GNPNAT1: variants seen among roughly 807,000 people sequenced by gnomAD.
GNPNAT1 encodes glucosamine-phosphate N-acetyltransferase 1, also known as glucosamine 6-phosphate N-acetyltransferase.
Under a neutral mutation model 19.8 loss-of-function variants are expected in GNPNAT1, and 11 were observed. That is an observed-to-expected ratio of 0.56 (90% CI 0.35 to 0.92). The LOEUF is 0.92. Ranked by LOEUF, GNPNAT1 falls within the 40% of genes least tolerant of loss-of-function variation. The pLI, the probability that GNPNAT1 is intolerant of heterozygous loss-of-function variation, is 0.01. For missense variants in GNPNAT1, 157 were observed against 211.0 expected (o/e 0.74, Z 1.59); for synonymous variants, 71 against 72.3 (o/e 0.98, Z 0.09).
rs764695387 is a variant in GNPNAT1 at position 52,780,678 on chromosome 14, C to A, written c.407+1G>T. ...GGGTTACCTTGTTTCTGCCTACTTA[C>A]AATTTGCCAAGCTGCTTTCCTCTGC... On this transcript the variant is annotated splice_donor_variant, in intron 5 of 5. Coordinates refer to ENST00000216410, the MANE Select transcript of GNPNAT1 (RefSeq NM_198066.4). LOFTEE classifies it high-confidence loss of function. 9.4e-6 allele frequency: 15 copies of A among 1,595,952 alleles called. No homozygotes were observed. The highest frequency in any genetic ancestry group is 4.5e-5 in the East Asian group (2 of 44,650).
At chr14:52,785,579 C>G (rs1455376043) in intron 1 of GNPNAT1, among the ~76,000 whole-genome samples, 3 of 150,936 alleles carry the variant, frequency 2.0e-5, no homozygotes, top group Non-Finnish European at 3.0e-5. Flanking sequence ...CAAAATTAGT[C>G]GGGCGTGGTG....
chr14:52,787,680 T>C (rs1048673399), intron 1 of GNPNAT1, among the ~76,000 whole-genome samples: 3 of 152,092 alleles, frequency 2.0e-5, no homozygotes, highest in Non-Finnish European at 4.4e-5. Flanking sequence ...ATTTGTAAAA[T>C]GGAGATGAAA....
intron 1 of GNPNAT1, among the ~76,000 whole-genome samples, chr14:52,789,978 CA>C (rs1883121590): frequency 1.3e-5 from 1 of 76,434 alleles, no homozygotes; most frequent in Admixed American, 1.7e-4. Flanking sequence ...TCAGAAAATC[CA>C]GAAGGACAAA....
chr14:52,782,684 G>T (rs963361674), intron 3 of GNPNAT1, among the ~76,000 whole-genome samples: 1 of 151,344 alleles, frequency 6.6e-6, no homozygotes, highest in Non-Finnish European at 1.5e-5. Context: ...ATGGGAAAAA[G>T]AAATTCAGTG....
intron 3 of GNPNAT1, among the ~76,000 whole-genome samples, chr14:52,782,518 A>G (rs146164871): frequency 1.2e-3 from 190 of 152,242 alleles, no homozygotes; most frequent in African/African-American, 4.4e-3. Context: ...GTGCAAAGAT[A>G]CTTCCCCTCA....
At position 52,783,502 on chromosome 14, in the gene GNPNAT1, G is replaced by C. The variant is rs1198489735; in HGVS notation, c.155-17C>G. The C allele has an allele frequency of 6.4e-7, 1 of 1,559,250 alleles. No individual in the cohort carries two copies. Among genetic ancestry groups the C allele is most frequent in the Non-Finnish European group, 8.8e-7 (1 of 1,131,146 alleles). ...TAAAAAAACCTAGTTTTGAAAAACA[G>C]ATTTCAAATTACGAGAATAGCAAAA... On this transcript the variant is annotated splice_polypyrimidine_tract_variant and intron_variant, in intron 2 of 5. Coordinates refer to ENST00000216410, the MANE Select transcript of GNPNAT1 (RefSeq NM_198066.4).
intron 3 of GNPNAT1, among the ~76,000 whole-genome samples, chr14:52,782,485 T>C (rs967191572): frequency 1.3e-5 from 2 of 152,160 alleles, no homozygotes; most frequent in African/African-American, 4.8e-5. Flanking sequence ...CCAAGTAACT[T>C]TTCCAAGTCA....
chr14:52,778,275 A>G lies in GNPNAT1; in HGVS notation c.*36T>C. 1 of 1,510,358 alleles carries G rather than the reference A, an allele frequency of 6.6e-7. No individual in the cohort carries two copies. The highest frequency in any genetic ancestry group is 8.9e-7 in the Non-Finnish European group (1 of 1,118,566). 93.6% of individuals were successfully genotyped at this position (1,510,358 alleles called of 1,614,324 possible). On this transcript the variant is annotated 3_prime_UTR_variant, in exon 6 of 6. Coordinates refer to ENST00000216410, the MANE Select transcript of GNPNAT1 (RefSeq NM_198066.4). Reference sequence around the variant, plus strand: ...AACTCTAGGAAGAGTGTAGCCTTGTAGCATTAGCCCCTTTGACAATTTTCT... The same window carrying G: ...AACTCTAGGAAGAGTGTAGCCTTGTGGCATTAGCCCCTTTGACAATTTTCT...
chr14:52,784,442 GT>G (rs1258604014), intron 2 of GNPNAT1, 54 bp downstream of exon 2: 1 of 1,359,766 alleles, frequency 7.4e-7, no homozygotes, highest in East Asian at 2.6e-5. Flanking sequence ...GCATCATAAT[GT>G]TTAGAGAAAA....
At chr14:52,782,541 G>T in intron 3 of GNPNAT1, among the ~76,000 whole-genome samples, 1 of 152,000 alleles carries the variant, frequency 6.6e-6, no homozygotes, top group East Asian at 1.9e-4. Context: ...TGGATTTTCA[G>T]TACTATTGCT....
intron 5 of GNPNAT1, among the ~76,000 whole-genome samples, chr14:52,779,322 A>C (rs1566687341): frequency 6.6e-6 from 1 of 152,180 alleles, no homozygotes; most frequent in Non-Finnish European, 1.5e-5. Context: ...CCAGTATTAA[A>C]GTGTGGATCT....
chr14:52,778,958 G>A (rs1882811890), intron 5 of GNPNAT1, among the ~76,000 whole-genome samples: 1 of 152,030 alleles, frequency 6.6e-6, no homozygotes, highest in Admixed American at 6.6e-5. Flanking sequence ...CAAGGCTGCG[G>A]TGAGTAGTGA....
chr14:52,783,745 G>A (rs1033569496), intron 2 of GNPNAT1, among the ~76,000 whole-genome samples: 11 of 152,054 alleles, frequency 7.2e-5, no homozygotes, highest in African/African-American at 2.7e-4. Context: ...TATAGACCCA[G>A]AACATACATT....
chr14:52,778,904 A>C (rs766475686), intron 5 of GNPNAT1, among the ~76,000 whole-genome samples: 2 of 151,906 alleles, frequency 1.3e-5, no homozygotes, highest in African/African-American at 4.8e-5. Flanking sequence ...AGTCGCAGCT[A>C]CTCCAGAGGC....
intron 5 of GNPNAT1, 141 bp from the exon 6 acceptor site, chr14:52,778,599 G>GT (rs1381529479): frequency 3.0e-6 from 2 of 677,356 alleles, no homozygotes; most frequent in Admixed American, 6.7e-5. Flanking sequence ...CTGCATTCAT[G>GT]TAAGTTGATA....
intron 4 of GNPNAT1, 157 bp downstream of exon 4, chr14:52,781,627 G>A (rs1882896662): frequency 3.3e-6 from 2 of 614,736 alleles, no homozygotes; most frequent in South Asian, 2.1e-5. Flanking sequence ...AATTCATACT[G>A]TTATACATTT....
intron 1 of GNPNAT1, among the ~76,000 whole-genome samples, chr14:52,789,334 G>A (rs1415505319): frequency 1.3e-5 from 2 of 152,172 alleles, no homozygotes; most frequent in Non-Finnish European, 2.9e-5. Flanking sequence ...ATGCACTAGA[G>A]TAGATAAATT....
intron 5 of GNPNAT1, 137 bp downstream of exon 5, chr14:52,780,542 T>G (rs1418996610): frequency 8.2e-6 from 5 of 610,024 alleles, no homozygotes; most frequent in African/African-American, 7.4e-5. Flanking sequence ...TATTTCTTCA[T>G]GAAATTCAGT....
rs773765223 is a variant in GNPNAT1 at position 52,783,496 on chromosome 14, A to T, written c.155-11T>A. 5 of 1,585,494 alleles carry T rather than the reference A, an allele frequency of 3.2e-6. No homozygotes were observed. Among genetic ancestry groups the T allele is most frequent in the African/African-American group, 1.3e-5 (1 of 74,326 alleles). ...ATACCTTAAAAAAACCTAGTTTTGA[A>T]AAACAGATTTCAAATTACGAGAATA... On this transcript the variant is annotated splice_polypyrimidine_tract_variant and intron_variant, in intron 2 of 5. Transcript: ENST00000216410.
Sources: allele counts gnomAD v4.1 joint callset (sites outside exome capture counted in the v4.1 genomes callset), GRCh38; gene constraint gnomAD v4.1.1; transcripts MANE v1.5; gene names NCBI Gene and HGNC (gene_info 2026-07-23, HGNC 2026-07-21).